FN1: variants seen among roughly 807,000 people sequenced by gnomAD.
The protein encoded by FN1 is fibronectin 1.
In FN1, 106 loss-of-function variants were observed where a neutral mutation model predicts 297.3. That is an observed-to-expected ratio of 0.36 (90% CI 0.30 to 0.42). The LOEUF (loss-of-function observed/expected upper bound fraction) is 0.42. FN1 is among the 10% of genes least tolerant of loss of function. The pLI is 1.00. For synonymous variants in FN1, 1,149 were observed against 1,152.6 expected, an observed-to-expected ratio of 1.00 and a Z score of 0.06; for missense variants, 2,690 against 3,124.9, an observed-to-expected ratio of 0.86 and a Z score of 3.32.
chr2:215,364,782 A>G (rs1006473381), intron 44 of FN1, 97 bp downstream of exon 44: 4 of 799,406 alleles, frequency 5.0e-6, no homozygotes, highest in Non-Finnish European at 8.5e-6. Context: ...AATACTTCCG[A>G]AGGGTCTCTG....
chr2:215,434,663 A>G, intron 2 of FN1, 33 bp downstream of exon 2: 1 of 1,613,728 alleles, frequency 6.2e-7, no homozygotes. Flanking sequence ...CATGTATTAA[A>G]AGATACTAAC....
Position 215,420,206 on chromosome 2 carries a change from G to A in FN1, c.1675+467C>T, listed in dbSNP as rs2064039349. Among the ~76,000 whole-genome samples the A allele has an allele frequency of 2.0e-5, 3 of 152,088 alleles. No homozygotes were observed. The South Asian group carries it at 6.2e-4, about 32-fold the overall frequency. On this transcript the variant is annotated intron_variant, in intron 11 of 45. Transcript: ENST00000354785. Reference sequence around the variant, plus strand: ...GATACAAAATTAGCTGGGCCTGGTGGCGCATGCCTGTAATCCCAGCTACTC... The same window carrying A: ...GATACAAAATTAGCTGGGCCTGGTGACGCATGCCTGTAATCCCAGCTACTC...
chr2:215,419,921 G>A (rs548810098), intron 11 of FN1, among the ~76,000 whole-genome samples: 1 of 152,172 alleles, frequency 6.6e-6, no homozygotes, highest in South Asian at 2.1e-4. Context: ...TTATCAGTTT[G>A]TTTTCTCAGT....
intron 24 of FN1, 43 bp downstream of exon 24, chr2:215,394,485 T>C (rs747243406): frequency 3.0e-5 from 45 of 1,476,118 alleles, no homozygotes; most frequent in South Asian, 5.7e-5. Flanking sequence ...CCCACTCTTA[T>C]TGGAAGTGTC....
Position 215,378,178 on chromosome 2 carries a change from C to G in FN1, c.5707G>C (p.Glu1903Gln). The change falls in exon 35 of 46, where the codon GAG becomes CAG. Residue 1903 changes from glutamate (E) to glutamine (Q), a missense_variant. Transcript: ENST00000354785. ...RPAQGVVTTL[E>Q]NVSPPRRARV... is the part of the protein sequence containing the mutation. Reference sequence around the variant, plus strand: ...ATGAAGACATTTTGTTACTTACTCTCCAGAGTGGTGACAACTCCCTGAGCT... The same window carrying G: ...ATGAAGACATTTTGTTACTTACTCTGCAGAGTGGTGACAACTCCCTGAGCT... The G allele has an allele frequency of 6.4e-7, 1 of 1,574,290 alleles. No homozygotes were observed. Among genetic ancestry groups the G allele is most frequent in the Non-Finnish European group, 8.7e-7 (1 of 1,144,244 alleles).
intron 8 of FN1, 131 bp from the exon 9 acceptor site, chr2:215,423,657 T>C: frequency 1.2e-6 from 1 of 832,754 alleles, no homozygotes; most frequent in Non-Finnish European, 2.0e-6. Flanking sequence ...GAATAAAAAA[T>C]GTCTGATAAT....
At chr2:215,392,593 G>T in intron 25 of FN1, 1 of 345,866 alleles carries the variant, frequency 2.9e-6, no homozygotes, top group Non-Finnish European at 5.5e-6. Flanking sequence ...TGGTACTTAC[G>T]CAATTTGGTA....
chr2:215,363,488 G>A (rs913289035), intron 44 of FN1: 16 of 152,188 alleles, frequency 1.1e-4, no homozygotes, highest in African/African-American at 3.6e-4. Context: ...TAATCACTGG[G>A]GGTGAAACAA....
chr2:215,386,542 C>T (rs1203338512), intron 28 of FN1, 147 bp downstream of exon 28: 2 of 684,802 alleles, frequency 2.9e-6, no homozygotes, highest in Non-Finnish European at 2.4e-6. Context: ...TCTCACTTCC[C>T]TCTCCATGTA....
intron 13 of FN1, 64 bp from the exon 14 acceptor site, chr2:215,410,178 G>A (rs2062398161): frequency 6.7e-7 from 1 of 1,482,016 alleles, no homozygotes; most frequent in Middle Eastern, 1.9e-4. Context: ...AACATTTGAA[G>A]ATGATGTTCA....
At chr2:215,364,365 G>T in intron 44 of FN1, 1 of 191,344 alleles carries the variant, frequency 5.2e-6, no homozygotes, top group Non-Finnish European at 1.1e-5. Flanking sequence ...GGAGTTGGAG[G>T]CCTAGAGCTA....
chr2:215,392,603 A>G (rs2059830750), intron 25 of FN1: 2 of 358,538 alleles, frequency 5.6e-6, no homozygotes, highest in Admixed American at 8.3e-5. Flanking sequence ...GCAATTTGGT[A>G]TTCGTGTTTG....
Position 215,422,086 on chromosome 2 carries a change from C to T in FN1, c.1546+5G>A, listed in dbSNP as rs1242845467. ...TCAAATATTTTTGTTAATCAGCCAGCATACCTCGAAGCTGCGAGTAGGCAA... is the reference window on the plus strand; with the variant it reads ...TCAAATATTTTTGTTAATCAGCCAGTATACCTCGAAGCTGCGAGTAGGCAA... On this transcript the variant is annotated splice_donor_5th_base_variant and intron_variant, in intron 10 of 45. Transcript: ENST00000354785. The T allele has an allele frequency of 9.3e-6, 15 of 1,613,988 alleles. No individual in the cohort carries two copies. Among genetic ancestry groups the T allele is most frequent in the Non-Finnish European group, 1.3e-5 (15 of 1,179,936 alleles).
intron 40 of FN1, 102 bp from the exon 41 acceptor site, chr2:215,370,534 GGAAGACA>G (rs2055699882): frequency 8.4e-5 from 54 of 642,714 alleles, no homozygotes; most frequent in South Asian, 3.8e-4. Flanking sequence ...ACAAAGCAAA[GGAAGACA>G]AAAAACAAAA....
intron 40 of FN1, 123 bp from the exon 41 acceptor site, chr2:215,370,555 A>AAAAAACAG: frequency 5.6e-6 from 2 of 356,856 alleles, no homozygotes; most frequent in East Asian, 2.3e-4. Flanking sequence ...AACAAAAAAC[A>AAAAAACAG]AAAAAAAAAA....
intron 41 of FN1, 82 bp downstream of exon 41, chr2:215,370,212 A>G (rs2055592486): frequency 1.4e-6 from 2 of 1,414,336 alleles, no homozygotes; most frequent in East Asian, 2.3e-5. Flanking sequence ...GACAATGGCA[A>G]CAAAGGTACA....
chr2:215,403,033 G>A (rs1439459520), intron 20 of FN1, among the ~76,000 whole-genome samples: 1 of 152,058 alleles, frequency 6.6e-6, no homozygotes, highest in African/African-American at 2.4e-5. Context: ...AGTAAAAGAC[G>A]ACATCTACTG....
chr2:215,407,973 CA>C, intron 17 of FN1, 134 bp downstream of exon 17: 1 of 710,088 alleles, frequency 1.4e-6, no homozygotes, highest in Non-Finnish European at 2.5e-6. Flanking sequence ...CACACACACA[CA>C]CACACAAACC....
At chr2:215,388,446 G>A in intron 26 of FN1, 145 bp from the exon 27 acceptor site, 1 of 708,988 alleles carries the variant, frequency 1.4e-6, no homozygotes, top group Non-Finnish European at 2.5e-6. Flanking sequence ...ACAGCGAAGT[G>A]TTCAGTGAAC....
Sources: gnomAD v4.1 joint callset for allele counts (sites outside exome capture counted in the v4.1 genomes callset) on GRCh38, gnomAD v4.1.1 for gene constraint, MANE v1.5 for transcripts, NCBI Gene and HGNC (gene_info 2026-07-23, HGNC 2026-07-21) for gene names.